G6PD: variants seen among roughly 807,000 people sequenced by gnomAD.
The protein encoded by G6PD is glucose-6-phosphate 1-dehydrogenase.
In G6PD, 2 loss-of-function variants were observed where a neutral mutation model predicts 38.2. The ratio of observed to expected loss-of-function variants is 0.05; its 90% CI spans 0.02 to 0.16. The LOEUF is 0.16. G6PD is among the 10% of genes least tolerant of loss of function. G6PD has a pLI of 1.00. For synonymous variants in G6PD, 188 were observed against 196.0 expected (o/e 0.96, Z 0.34); for missense variants, 310 against 471.6 (o/e 0.66, Z 3.17).
intron 2 of G6PD, chrX:154,542,484 TG>T: frequency 1.7e-6 from 2 of 1,151,718 alleles, no homozygotes; most frequent in Non-Finnish European, 2.3e-6. Flanking sequence ...CTGGTAGGGG[TG>T]GGAGTCCTGA....
chrX:154,545,594 G>A (rs781917738), intron 2 of G6PD, among the ~76,000 whole-genome samples: 1 of 111,523 alleles, frequency 9.0e-6, no homozygotes, highest in African/African-American at 3.3e-5. Flanking sequence ...CAGCACTTTG[G>A]GAGGCCGAGG....
chrX:154,546,817 C>A lies in G6PD; in HGVS notation c.-37G>T. ...CGCTTCGTCGTCGTCGCCCTCCGCG[C>A]TCGCAGCCCCGAAGTGTACGACCGT... On this transcript the variant is annotated 5_prime_UTR_variant, in exon 1 of 13. Coordinates refer to ENST00000393562, the MANE Select transcript of G6PD (RefSeq NM_001360016.2). 5 of 1,163,095 alleles carry A rather than the reference C, an allele frequency of 4.3e-6. No individual in the cohort carries two copies. Among genetic ancestry groups the A allele is most frequent in the Non-Finnish European group, 4.6e-6 (4 of 873,502 alleles).
intron 2 of G6PD, chrX:154,541,301 A>G (rs1342148029): frequency 9.0e-6 from 1 of 111,477 alleles, no homozygotes; most frequent in Non-Finnish European, 1.9e-5. Flanking sequence ...GGGATTAACT[A>G]GAGATTGAAC....
intron 1 of G6PD, 64 bp downstream of exon 1, chrX:154,546,725 G>T: frequency 1.1e-6 from 1 of 941,753 alleles, no homozygotes; most frequent in Non-Finnish European, 1.5e-6. Flanking sequence ...GTATTTTACC[G>T]CCGCGCGGCG....
chrX:154,535,848 T>C, intron 4 of G6PD, 89 bp downstream of exon 4: 1 of 722,945 alleles, frequency 1.4e-6, no homozygotes, highest in Non-Finnish European at 2.1e-6. Flanking sequence ...CATCCCGGGA[T>C]GGGATGGGGG....
intron 2 of G6PD, chrX:154,541,503 C>T (rs1170498724): frequency 8.9e-6 from 1 of 112,031 alleles, no homozygotes; most frequent in Non-Finnish European, 1.9e-5. Flanking sequence ...CAGGGGTAGC[C>T]CTGCCCTCCC....
Position 154,535,307 on chromosome X carries a change from C to G in G6PD, c.346G>C (p.Ala116Pro). ...TGGCTGTTGAGGCGCTGGTAGGAGG[C>G]TGCATCATCGTACTGGCCAGCCACA... ...SYVAGQYDDA[A>P]SYQRLNSHMN... Residue 116 changes from alanine (A) to proline (P), a missense_variant, in exon 5 of 13, where the codon GCC becomes CCC. Coordinates refer to ENST00000393562, the MANE Select transcript of G6PD (RefSeq NM_001360016.2). 8.3e-7 allele frequency: 1 copy of G among 1,212,093 alleles called. No individual in the cohort carries two copies.
intron 2 of G6PD, among the ~76,000 whole-genome samples, chrX:154,541,552 C>G (rs1459066647): frequency 8.9e-6 from 1 of 111,981 alleles, no homozygotes; most frequent in African/African-American, 3.2e-5. Flanking sequence ...TCTGGAGGAA[C>G]AAACATGGGA....
intron 2 of G6PD, among the ~76,000 whole-genome samples, chrX:154,542,762 CT>C (rs1332644964): frequency 2.7e-5 from 3 of 111,921 alleles, no homozygotes; most frequent in Non-Finnish European, 3.8e-5. Flanking sequence ...TGTGTTTGTG[CT>C]CTCCCGGCCC....
At position 154,531,868 on chromosome X, in the gene G6PD, C is replaced by T. The variant is rs1196750737; in HGVS notation, c.*132G>A. 7 of 1,042,586 alleles carry T rather than the reference C, an allele frequency of 6.7e-6. No individual in the cohort carries two copies. Among genetic ancestry groups the T allele is most frequent in the Non-Finnish European group, 3.9e-6 (3 of 775,426 alleles). The allele number at this position is 1,042,586 out of a possible 1,213,427, so 85.9% of individuals were successfully genotyped here. A position where few individuals can be genotyped will look rare whatever the true frequency, so the allele number is the denominator to read the frequency against. On this transcript the variant is annotated 3_prime_UTR_variant, in exon 13 of 13. Coordinates refer to ENST00000393562, the MANE Select transcript of G6PD (RefSeq NM_001360016.2). ...CTCGGGTAGTAGCAGCAGCGAGGGG[C>T]GGGCCAGGGTGGCCAGAGCCCGGGG...
In G6PD at chrX:154,532,149, C is replaced by A. The variant is rs781795458; in HGVS notation, c.1457+39G>T. 7.5e-6 allele frequency: 9 copies of A among 1,198,747 alleles called. No homozygotes were observed. In the African/African-American group the frequency reaches 1.4e-4, roughly 19 times the overall value. ...TAGCTCCACCCTCACCCCGCCCCTG[C>A]CCGCTGGGCTCTGTCCCCAGCCCCC... On this transcript the variant is annotated intron_variant, in intron 12 of 12. Transcript: ENST00000393562.
chrX:154,535,071 T>C, intron 5 of G6PD, 97 bp downstream of exon 5: 1 of 888,378 alleles, frequency 1.1e-6, no homozygotes, highest in Non-Finnish European at 1.7e-6. Context: ...CCATGGATGC[T>C]GCCCAGATCC....
rs2070364727 is a variant in G6PD, at chrX:154,533,339, G to A, written c.865-211C>T. The A allele has an allele frequency of 2.2e-5, 11 of 495,605 alleles. No individual in the cohort carries two copies. In the East Asian group the frequency reaches 4.0e-4, roughly 18 times the overall value. 40.8% of individuals were successfully genotyped at this position (495,605 alleles called of 1,213,427 possible). On this transcript the variant is annotated intron_variant, in intron 8 of 12. Coordinates refer to ENST00000393562, the MANE Select transcript of G6PD (RefSeq NM_001360016.2). ...GAGTCTATTCTGATGAACAAGCTGA[G>A]GCCCAGAGAGGCAATGGCCTTCCCT...
chrX:154,546,247 G>T, intron 1 of G6PD, 84 bp from the exon 2 acceptor site: 1 of 1,136,563 alleles, frequency 8.8e-7, no homozygotes, highest in Non-Finnish European at 1.2e-6. Context: ...TTCCTCTGGG[G>T]TCTCACACCA....
In G6PD at chrX:154,534,589, T is replaced by C. The variant is rs1410542551; in HGVS notation, c.486-93A>G. 1.2e-5 allele frequency: 13 copies of C among 1,090,413 alleles called. 1 individual carries two copies. Among genetic ancestry groups the C allele is most frequent in the South Asian group, 9.6e-5 (5 of 52,121 alleles). The allele number at this position is 1,090,413 out of a possible 1,213,427, so 89.9% of individuals were successfully genotyped here. On this transcript the variant is annotated intron_variant, in intron 5 of 12. Transcript: ENST00000393562. ...TCATTCAGACGCCCTCCCAGGGGAG[T>C]AGAGGCCAGAACCTCCTCGCCCCCG...
Position 154,531,817 on chromosome X carries a change from C to A in G6PD, c.*183G>T. ...GGAGGGGCCAGGATGGTCTCGAGTGCTTGGCAGCTGAGGAATGTAGCTGGG... is the reference window on the plus strand; with the variant it reads ...GGAGGGGCCAGGATGGTCTCGAGTGATTGGCAGCTGAGGAATGTAGCTGGG... On this transcript the variant is annotated 3_prime_UTR_variant, in exon 13 of 13. Transcript: ENST00000393562. 1.3e-6 allele frequency: 1 copy of A among 767,207 alleles called. No homozygotes were observed. The highest frequency in any genetic ancestry group is 1.9e-6 in the Non-Finnish European group (1 of 535,815). 63.2% of individuals were successfully genotyped at this position (767,207 alleles called of 1,213,427 possible).
At chrX:154,533,295 G>A (rs782192379) in intron 8 of G6PD, 167 bp from the exon 9 acceptor site, 73 of 559,287 alleles carry the variant, frequency 1.3e-4, no homozygotes, top group Non-Finnish European at 2.0e-4. Context: ...GACCCTCCAG[G>A]ACCACCCTGG....
At position 154,546,680 on chromosome X, in the gene G6PD, G is replaced by T. The variant is rs1268912810; in HGVS notation, c.-9+109C>A. 7.7e-6 allele frequency: 5 copies of T among 651,844 alleles called. No individual in the cohort carries two copies. In the African/African-American group the frequency reaches 1.1e-4, roughly 15 times the overall value. The allele number at this position is 651,844 out of a possible 1,213,427, so 53.7% of individuals were successfully genotyped here. On this transcript the variant is annotated intron_variant, in intron 1 of 12. Coordinates refer to ENST00000393562, the MANE Select transcript of G6PD (RefSeq NM_001360016.2). ...TAAAGGGATTGGTTAAGACCCTCTCGATTCTGCTCGGTTCTCAAGCACAAC... is the reference window on the plus strand; with the variant it reads ...TAAAGGGATTGGTTAAGACCCTCTCTATTCTGCTCGGTTCTCAAGCACAAC...
chrX:154,544,662 T>C (rs933119660), intron 2 of G6PD, among the ~76,000 whole-genome samples: 1 of 112,037 alleles, frequency 8.9e-6, no homozygotes, highest in African/African-American at 3.2e-5. Flanking sequence ...TACTGTGGGC[T>C]CCACCTGGTA....
Sources: gnomAD v4.1 joint callset for allele counts (sites outside exome capture counted in the v4.1 genomes callset) on GRCh38, gnomAD v4.1.1 for gene constraint, MANE v1.5 for transcripts, NCBI Gene and HGNC (gene_info 2026-07-23, HGNC 2026-07-21) for gene names.